The following DNAH14 variants were observed in gnomAD, a reference collection of about 807,000 sequenced individuals.
DNAH14 encodes the protein axonemal beta dynein heavy chain 14.
A neutral mutation model predicts 520.9 loss-of-function variants in DNAH14; 478 were observed. The ratio of observed to expected loss-of-function variants is 0.92; its 90% CI spans 0.85 to 0.99. DNAH14 has a LOEUF of 0.99. Among genes scored for constraint, DNAH14 ranks in the 50% least tolerant of loss-of-function variants. The pLI, the probability that DNAH14 is intolerant of heterozygous loss-of-function variation, is 0.00. For missense variants in DNAH14, 4,831 were observed against 5,234.5 expected (o/e 0.92, Z 2.38); for synonymous variants, 1,581 against 1,757.2 (o/e 0.90, Z 2.51).
intron 17 of DNAH14, among the ~76,000 whole-genome samples, chr1:225,067,459 T>G (rs2071027331): frequency 1.3e-5 from 2 of 152,170 alleles, no homozygotes; most frequent in South Asian, 4.1e-4. Flanking sequence ...TAGAATGATT[T>G]ATATTCCTTT....
At chr1:225,316,822 A>G (rs2094476597) in intron 60 of DNAH14, among the ~76,000 whole-genome samples, 1 of 151,468 alleles carries the variant, frequency 6.6e-6, no homozygotes. Context: ...ATCATGCCAC[A>G]CTCCTATAAT....
chr1:225,257,844 C>A, intron 44 of DNAH14, 116 bp from the exon 45 acceptor site: 1 of 906,484 alleles, frequency 1.1e-6, no homozygotes. Context: ...CAGCCATGTA[C>A]TTTTCATATA....
chr1:224,932,652 G>A (rs1276493892), intron 1 of DNAH14, among the ~76,000 whole-genome samples: 2 of 151,988 alleles, frequency 1.3e-5, no homozygotes, highest in African/African-American at 4.8e-5. Flanking sequence ...GCATGTGGCT[G>A]TCCAGTTTTC....
rs755780789 is a variant in DNAH14 at position 225,097,278 on chromosome 1, G to A, written c.3695+39G>A. ...AATATACCATATACAGGTTCAAAAT[G>A]CATTGTGAGTAATTTATTTTCTTTA... is the stretch of plus-strand genomic sequence containing the variant. On this transcript the variant is annotated intron_variant, in intron 22 of 85. Transcript: ENST00000682510. 4 of 1,481,368 alleles carry A rather than the reference G, an allele frequency of 2.7e-6. No individual in the cohort carries two copies. In the East Asian group the frequency reaches 1.0e-4, roughly 37 times the overall value. 91.8% of individuals were successfully genotyped at this position (1,481,368 alleles called of 1,614,324 possible). A position where few individuals can be genotyped will look rare whatever the true frequency, so the allele number is the denominator to read the frequency against.
Position 225,079,408 on chromosome 1 carries a change from C to G in DNAH14, c.2626C>G (p.Leu876Val), listed in dbSNP as rs2072828569. The change falls in exon 18 of 86, where the codon CTT (leucine) becomes GTT (valine). Residue 876 changes from leucine (L) to valine (V), a missense_variant. Leu to Val is a conservative substitution (Grantham distance 32). Coordinates refer to ENST00000682510, the MANE Select transcript of DNAH14 (RefSeq NM_001367479.1). Reference sequence around the variant, plus strand: ...AGAGCAAATTGCCATATTCCAAGTTCTTCTTCTTAAGTTTAGTCAACTAAA... The same window carrying G: ...AGAGCAAATTGCCATATTCCAAGTTGTTCTTCTTAAGTTTAGTCAACTAAA... ...SEEQIAIFQV[L>V]LLKFSQLKSS... 1 of 1,549,408 alleles carries G rather than the reference C, an allele frequency of 6.5e-7. No homozygotes were observed. The highest frequency in any genetic ancestry group is 8.7e-7 in the Non-Finnish European group (1 of 1,146,594).
intron 43 of DNAH14, chr1:225,250,660 G>C: frequency 1.8e-6 from 1 of 551,644 alleles, no homozygotes; most frequent in South Asian, 2.6e-5. Context: ...ACTCAGGATG[G>C]AAGCACTGGG....
chr1:225,015,919 G>A (rs1225840776), intron 10 of DNAH14, among the ~76,000 whole-genome samples: 3 of 152,176 alleles, frequency 2.0e-5, no homozygotes, highest in East Asian at 1.9e-4. Flanking sequence ...TTCCAGAGTC[G>A]GCCACTCATC....
chr1:225,335,363 G>GTC (rs2094933900), intron 66 of DNAH14, among the ~76,000 whole-genome samples: 1 of 31,672 alleles, frequency 3.2e-5, no homozygotes, highest in African/African-American at 2.7e-4. Context: ...GCATATACAC[G>GTC]TGTACATGTG....
intron 11 of DNAH14, among the ~76,000 whole-genome samples, chr1:225,029,365 G>A (rs967148779): frequency 6.6e-6 from 1 of 151,980 alleles, no homozygotes; most frequent in Non-Finnish European, 1.5e-5. Flanking sequence ...GTTGTTAACT[G>A]TGTGTGATTG....
At chr1:225,030,312 A>G (rs2066433802) in intron 11 of DNAH14, among the ~76,000 whole-genome samples, 1 of 151,970 alleles carries the variant, frequency 6.6e-6, no homozygotes, top group Non-Finnish European at 1.5e-5. Context: ...TGTTCTACAA[A>G]TATTTTATCC....
chr1:225,085,396 A>C, intron 20 of DNAH14, 148 bp from the exon 21 acceptor site: 3 of 690,558 alleles, frequency 4.3e-6, no homozygotes, highest in Non-Finnish European at 7.3e-6. Context: ...TAGACCATGA[A>C]GTTGCTGGTA....
At chr1:225,332,087 T>C (rs2094810958) in intron 65 of DNAH14, among the ~76,000 whole-genome samples, 1 of 152,192 alleles carries the variant, frequency 6.6e-6, no homozygotes, top group Admixed American at 6.5e-5. Flanking sequence ...TTCTGAACCC[T>C]TTTAGCTCAC....
intron 4 of DNAH14, among the ~76,000 whole-genome samples, 178 bp from the exon 5 acceptor site, chr1:224,964,301 T>C (rs2061019842): frequency 6.6e-6 from 1 of 152,170 alleles, no homozygotes; most frequent in Non-Finnish European, 1.5e-5. Context: ...TTATTCCCTC[T>C]TTCTAACTTC....
intron 60 of DNAH14, among the ~76,000 whole-genome samples, chr1:225,317,857 T>C (rs911919928): frequency 1.3e-4 from 20 of 152,188 alleles, no homozygotes; most frequent in African/African-American, 2.4e-5. Flanking sequence ...AGGACAAGTT[T>C]CTATTACAAT....
At position 225,331,462 on chromosome 1, in the gene DNAH14, A is replaced by C. The variant is rs1318642575; in HGVS notation, c.9749A>C (p.Gln3250Pro). ...GTTGAAGAACATTTGCTGTTTTTAC[A>C]GGCAGCTTACAAAGATACCGTTGCT... is the stretch of plus-strand genomic sequence containing the variant. ...QLVEEHLLFL[Q>P]AAYKDTVAEK... is the part of the protein sequence containing the mutation. Residue 3250 changes from glutamine to proline, a missense_variant, in exon 65 of 86, where the codon CAG (glutamine) becomes CCG (proline). Gln to Pro is a moderately conservative substitution (Grantham distance 76). Coordinates refer to ENST00000682510, the MANE Select transcript of DNAH14 (RefSeq NM_001367479.1). 1.3e-6 allele frequency: 2 copies of C among 1,550,784 alleles called. No homozygotes were observed. The highest frequency in any genetic ancestry group is 1.7e-6 in the Non-Finnish European group (2 of 1,146,696).
At chr1:225,007,576 G>A (rs1262112526) in intron 10 of DNAH14, 32 bp downstream of exon 10, 2 of 1,451,314 alleles carry the variant, frequency 1.4e-6, no homozygotes, top group Non-Finnish European at 1.8e-6. Context: ...ATTTATCAAA[G>A]TTGCAATTTA....
intron 8 of DNAH14, among the ~76,000 whole-genome samples, chr1:224,996,508 T>C (rs780833773): frequency 1.3e-5 from 2 of 152,152 alleles, no homozygotes; most frequent in Non-Finnish European, 2.9e-5. Flanking sequence ...TAGCTTGTTA[T>C]TCTGAGTGGA....
intron 41 of DNAH14, among the ~76,000 whole-genome samples, chr1:225,229,830 G>A (rs2090929596): frequency 6.6e-6 from 1 of 151,658 alleles, no homozygotes; most frequent in Admixed American, 6.6e-5. Context: ...ATGGGTTGAT[G>A]GATGCAGCAC....
At chr1:225,043,272 T>TG (rs1347084858) in intron 13 of DNAH14, among the ~76,000 whole-genome samples, 158 bp downstream of exon 13, 4 of 40,464 alleles carry the variant, frequency 9.9e-5, no homozygotes, top group Non-Finnish European at 2.6e-4. Flanking sequence ...TCTTGTCTCT[T>TG]GGGGAAAAAA....
Sources: gnomAD v4.1 joint callset for allele counts (sites outside exome capture counted in the v4.1 genomes callset) on GRCh38, gnomAD v4.1.1 for gene constraint, MANE v1.5 for transcripts, NCBI Gene and HGNC (gene_info 2026-07-23, HGNC 2026-07-21) for gene names.